Variants in MITF observed in about 807,000 individuals in gnomAD.
MITF encodes microphthalmia-associated transcription factor.
A neutral mutation model predicts 60.5 loss-of-function variants in MITF; 17 were observed. The ratio of observed to expected loss-of-function variants is 0.28; its 90% confidence interval spans 0.19 to 0.42. The LOEUF (loss-of-function observed/expected upper bound fraction) is 0.42, where lower values mean the gene tolerates loss of function less well. Ranked by LOEUF, MITF falls within the 10% of genes least tolerant of loss-of-function variation. The pLI, the probability that MITF is intolerant of heterozygous loss-of-function variation, is 1.00. For synonymous variants in MITF, 260 were observed against 248.5 expected, an observed-to-expected ratio of 1.05 and a Z score of -0.43; for missense variants, 622 against 683.5, an observed-to-expected ratio of 0.91 and a Z score of 1.00.
intron 1 of MITF, among the ~76,000 whole-genome samples, chr3:69,777,946 T>C (rs1315831279): frequency 6.6e-6 from 1 of 152,072 alleles, no homozygotes; most frequent in African/African-American, 2.4e-5. Context: ...TTCGTGTTAC[T>C]GAAAGATCAC....
At chr3:69,959,705 C>A (rs966362935) in intron 9 of MITF, among the ~76,000 whole-genome samples, 7 of 152,184 alleles carry the variant, frequency 4.6e-5, no homozygotes, top group African/African-American at 1.7e-4. Flanking sequence ...GGTTGACTGT[C>A]TGCTGTCTTG....
chr3:69,964,893 C>T lies in MITF; in HGVS notation c.1226C>T (p.Ser409Phe). ...GCTCATGGACTTTCCCTTATTCCAT[C>T]CACGGGTCTCTGCTCTCCAGATTTG... ...ARAHGLSLIP[S>F]TGLCSPDLVN... Residue 409 changes from serine (S) to phenylalanine (F), a missense_variant, in exon 10 of 10, where the codon TCC (serine) becomes TTC (phenylalanine). Physicochemically the swap from Ser to Phe is radical, Grantham distance 155. Transcript: ENST00000352241. 1 of 1,614,114 alleles carries T rather than the reference C, an allele frequency of 6.2e-7. No individual in the cohort carries two copies. The highest frequency in any genetic ancestry group is 8.5e-7 in the Non-Finnish European group (1 of 1,180,002).
intron 4 of MITF, among the ~76,000 whole-genome samples, chr3:69,940,094 C>G (rs1433038974): frequency 1.3e-5 from 2 of 152,146 alleles, no homozygotes; most frequent in Non-Finnish European, 2.9e-5. Context: ...TTTGAATGCT[C>G]TGTACAGTTT....
At chr3:69,915,658 C>T (rs2065317863) in intron 2 of MITF, among the ~76,000 whole-genome samples, 1 of 152,096 alleles carries the variant, frequency 6.6e-6, no homozygotes, top group Admixed American at 6.5e-5. Context: ...AATTTATTGA[C>T]AGGGTATTGG....
chr3:69,758,089 A>AAT lies in MITF; in HGVS notation c.104+18402_104+18403dup, dbSNP rs765654648. On this transcript the variant is annotated intron_variant, in intron 1 of 9. Coordinates refer to ENST00000352241, the MANE Select transcript of MITF (RefSeq NM_001354604.2). Reference sequence around the variant, plus strand: ...CCACCACTCATAAAGTATATATATAAATATATATATATATAAATATATCAT... The same window carrying AAT: ...CCACCACTCATAAAGTATATATATAAATATATATATATATATAAATATATCAT... 2.1e-3 allele frequency among the ~76,000 whole-genome samples: 279 copies of AAT among 130,766 alleles called. 1 individual carries two copies. Among genetic ancestry groups the AAT allele is most frequent in the East Asian group, 5.6e-3 (27 of 4,834 alleles). The allele number at this position is 130,766 out of a possible 152,430, so 85.8% of individuals were successfully genotyped here. A position where few individuals can be genotyped will look rare whatever the true frequency, so the allele number is the denominator to read the frequency against.
chr3:69,870,309 C>T (rs942961293), intron 1 of MITF, among the ~76,000 whole-genome samples: 3 of 146,282 alleles, frequency 2.1e-5, no homozygotes, highest in South Asian at 4.3e-4. Flanking sequence ...TATACACATA[C>T]ATATATACAT....
chr3:69,926,587 TG>T (rs2065595031), intron 2 of MITF, among the ~76,000 whole-genome samples: 1 of 152,076 alleles, frequency 6.6e-6, no homozygotes, highest in African/African-American at 2.4e-5. Context: ...AAAAGACGTC[TG>T]CGATTCTGAG....
At chr3:69,857,613 G>A (rs2063942570) in intron 1 of MITF, among the ~76,000 whole-genome samples, 1 of 151,762 alleles carries the variant, frequency 6.6e-6, no homozygotes, top group Non-Finnish European at 1.5e-5. Flanking sequence ...AACTAAACAT[G>A]TTTGTTAATG....
At chr3:69,806,547 A>G (rs2063011900) in intron 1 of MITF, among the ~76,000 whole-genome samples, 1 of 152,178 alleles carries the variant, frequency 6.6e-6, no homozygotes, top group South Asian at 2.1e-4. Flanking sequence ...AAATTTTTGC[A>G]TATAATCATA....
At chr3:69,869,845 T>C (rs930390888) in intron 1 of MITF, among the ~76,000 whole-genome samples, 2 of 151,956 alleles carry the variant, frequency 1.3e-5, no homozygotes, top group African/African-American at 2.4e-5. Context: ...ATGAGATGGG[T>C]CGTATGAAGC....
rs199779059 is a variant in MITF, at chr3:69,959,269, G to C, written c.1032-4G>C. On this transcript the variant is annotated splice_region_variant and splice_polypyrimidine_tract_variant and intron_variant, in intron 8 of 9. Coordinates refer to ENST00000352241, the MANE Select transcript of MITF (RefSeq NM_001354604.2). ...ATATCTGTTTTCCTCCATTTTCATC[G>C]CAGAGACATGCGCTGGAACAAGGGA... The C allele has an allele frequency of 1.9e-6, 3 of 1,613,852 alleles. No homozygotes were observed. The highest frequency in any genetic ancestry group is 1.1e-5 in the South Asian group (1 of 91,064).
At chr3:69,854,633 T>C (rs561953808) in intron 1 of MITF, among the ~76,000 whole-genome samples, 1 of 152,344 alleles carries the variant, frequency 6.6e-6, no homozygotes, top group Non-Finnish European at 1.5e-5. Flanking sequence ...TTTTGTCTTC[T>C]GTATGAAAGA....
chr3:69,761,953 C>T (rs2062218403), intron 1 of MITF, among the ~76,000 whole-genome samples: 1 of 152,170 alleles, frequency 6.6e-6, no homozygotes, highest in Non-Finnish European at 1.5e-5. Context: ...GTTTTTCACT[C>T]ATCTCTTTTT....
At chr3:69,833,877 G>A (rs2063496837) in intron 1 of MITF, among the ~76,000 whole-genome samples, 1 of 152,138 alleles carries the variant, frequency 6.6e-6, no homozygotes, top group Non-Finnish European at 1.5e-5. Context: ...CATTCCTTCA[G>A]CCTCTATTAC....
chr3:69,771,525 G>A (rs1276154148), intron 1 of MITF, among the ~76,000 whole-genome samples: 5 of 152,130 alleles, frequency 3.3e-5, no homozygotes, highest in Non-Finnish European at 7.4e-5. Flanking sequence ...GGATTCTACA[G>A]ATAGGATGCA....
chr3:69,805,307 A>C (rs1258712811), intron 1 of MITF, among the ~76,000 whole-genome samples: 1 of 152,200 alleles, frequency 6.6e-6, no homozygotes, highest in Non-Finnish European at 1.5e-5. Flanking sequence ...TTTATCTAAA[A>C]TTTTAATGGT....
In MITF at chr3:69,942,725, T is replaced by G. The variant is rs1480350810; in HGVS notation, c.762+1394T>G. On this transcript the variant is annotated intron_variant, in intron 5 of 9. Transcript: ENST00000352241. ...TGGAACCTTCCTGCTTACAAGTTGT[T>G]GCATCCTATGAGGCCAAACTACACT... 2.0e-5 allele frequency among the ~76,000 whole-genome samples: 3 copies of G among 152,164 alleles called. No homozygotes were observed. The East Asian group carries it at 5.8e-4, about 29-fold the overall frequency.
At chr3:69,869,807 AG>A in intron 1 of MITF, among the ~76,000 whole-genome samples, 1 of 152,278 alleles carries the variant, frequency 6.6e-6, no homozygotes, top group East Asian at 1.9e-4. Flanking sequence ...CTGAATCTAT[AG>A]GAACTGCCTC....
intron 1 of MITF, among the ~76,000 whole-genome samples, chr3:69,857,947 T>C (rs931098587): frequency 6.6e-6 from 1 of 152,184 alleles, no homozygotes; most frequent in African/African-American, 2.4e-5. Context: ...TTATGGTTTA[T>C]ATTATTCTCT....
Sources: gnomAD v4.1 joint callset for allele counts (sites outside exome capture counted in the v4.1 genomes callset) on GRCh38, gnomAD v4.1.1 for gene constraint, MANE v1.5 for transcripts, NCBI Gene and HGNC (gene_info 2026-07-23, HGNC 2026-07-21) for gene names.